The following ZC3H13 variants were observed in gnomAD, a reference collection of about 807,000 sequenced individuals.
ZC3H13 encodes the protein zinc finger CCCH-type containing 13.
Under a neutral mutation model 204.1 loss-of-function variants are expected in ZC3H13, and 64 were observed. The observed-to-expected ratio is 0.31, with a 90% CI of 0.26 to 0.39. The LOEUF (loss-of-function observed/expected upper bound fraction) is 0.39, where lower values mean the gene tolerates loss of function less well. Among genes scored for constraint, ZC3H13 ranks in the 10% least tolerant of loss-of-function variants. The probability of loss-of-function intolerance (pLI) is 1.00; values close to 1 mark genes in which losing one functional copy is unlikely to be tolerated. For synonymous variants in ZC3H13, 667 were observed against 693.7 expected (o/e 0.96, Z 0.60); for missense variants, 1,833 against 2,082.7 (o/e 0.88, Z 2.33).
At position 45,967,608 on chromosome 13, in the gene ZC3H13, G is replaced by C. The variant is rs1391110128; in HGVS notation, c.4217C>G (p.Ser1406Cys). ...GEHERDLEST[S>C]RDSLALDKER... ...TTTATCCAAGGCTAGAGAGTCTCGG[G>C]AAGTGCTTTCTAGATCCCTTTCATG... Residue 1406 changes from serine to cysteine, a missense_variant, in exon 15 of 19, where the codon TCC becomes TGC. Ser to Cys is a moderately radical substitution (Grantham distance 112). This residue lies in a region of ZC3H13 where 1,574 missense variants were observed against 1,757.2 expected (regional missense o/e 0.90). Coordinates refer to ENST00000679008, the MANE Select transcript of ZC3H13 (RefSeq NM_001330564.2). 1.2e-6 allele frequency: 2 copies of C among 1,614,090 alleles called. No individual in the cohort carries two copies. Among genetic ancestry groups the C allele is most frequent in the Non-Finnish European group, 1.7e-6 (2 of 1,179,996 alleles).
intron 8 of ZC3H13, among the ~76,000 whole-genome samples, chr13:45,991,577 T>G (rs1361415785): frequency 6.6e-6 from 1 of 152,226 alleles, no homozygotes. Context: ...CATTTCCACT[T>G]AGAATAGAAG....
chr13:46,041,609 G>C (rs1279872522), intron 4 of ZC3H13, among the ~76,000 whole-genome samples: 1 of 152,078 alleles, frequency 6.6e-6, no homozygotes, highest in Admixed American at 6.6e-5. Flanking sequence ...TTAGCTCTGG[G>C]AAAGATTTCC....
Position 45,979,998 on chromosome 13 carries a change from C to G in ZC3H13, c.1727G>C (p.Arg576Pro). 1.3e-6 allele frequency: 2 copies of G among 1,593,506 alleles called. No individual in the cohort carries two copies. The highest frequency in any genetic ancestry group is 1.7e-6 in the Non-Finnish European group (2 of 1,172,632). The change falls in exon 11 of 19, where the codon CGA (arginine) becomes CCA (proline). Residue 576 changes from arginine (R) to proline (P), a missense_variant. Around this residue, in one of 5 missense-constraint regions of ZC3H13, gnomAD observed 1,574 missense variants for 1,757.2 expected, o/e 0.90. Transcript: ENST00000679008. ...RVPELPEKGS[R>P]GSRGSQIDSH... ...ATCAATTTGAGAACCTCTTGAGCCT[C>G]GACTTCCTAAACAAAGGATAGACAC...
intron 1 of ZC3H13, among the ~76,000 whole-genome samples, chr13:46,050,287 A>C (rs1219770882): frequency 6.6e-6 from 1 of 152,082 alleles, no homozygotes; most frequent in Non-Finnish European, 1.5e-5. Context: ...GAGAAAGGAG[A>C]AGCATACAAA....
chr13:45,975,694 TC>T lies in ZC3H13; in HGVS notation c.2056del (p.Asp686ThrfsTer22). ...ARERDRERERDRERERERERE... is the reference protein window; with the variant it reads ...ARERDRERERXRERERERERE... The stretch of plus-strand genomic sequence containing the variant: ...TTCCCTCTCTCTCTCCCGCTCCCTG[TC>T]TCGTTCTCGTTCCCGATCTCTCTCT... On this transcript the variant is annotated frameshift_variant, in exon 12 of 19. Transcript: ENST00000679008. LOFTEE classifies it high-confidence loss of function. The T allele has an allele frequency of 6.2e-7, 1 of 1,613,514 alleles. No homozygotes were observed. The highest frequency in any genetic ancestry group is 1.1e-5 in the South Asian group (1 of 91,008).
intron 17 of ZC3H13, 187 bp downstream of exon 17, chr13:45,963,655 C>G: frequency 2.1e-6 from 3 of 1,417,104 alleles, no homozygotes; most frequent in Non-Finnish European, 2.8e-6. Flanking sequence ...TGGGATAACT[C>G]TTCTTCTCAA....
rs1256740740 is a variant in ZC3H13 at position 45,967,606 on chromosome 13, G to A, written c.4219C>T (p.Arg1407Ter). The change falls in exon 15 of 19, where the codon CGA (arginine) becomes TGA (stop). Residue 1407 changes from arginine (R) to a stop codon, truncating the protein, a stop_gained. Transcript: ENST00000679008. LOFTEE classifies it high-confidence loss of function. ...TCTTTATCCAAGGCTAGAGAGTCTC[G>A]GGAAGTGCTTTCTAGATCCCTTTCA... ...EHERDLESTS[R>*]DSLALDKERM... The A allele has an allele frequency of 6.2e-7, 1 of 1,613,802 alleles. No individual in the cohort carries two copies. The highest frequency in any genetic ancestry group is 1.1e-5 in the South Asian group (1 of 91,056).
At chr13:46,013,093 A>G (rs896799736) in intron 5 of ZC3H13, among the ~76,000 whole-genome samples, 2 of 152,164 alleles carry the variant, frequency 1.3e-5, no homozygotes. Flanking sequence ...CTATCCAACC[A>G]AGGGGGAGAG....
chr13:45,994,623 G>A (rs915481064), intron 8 of ZC3H13, among the ~76,000 whole-genome samples: 1 of 152,144 alleles, frequency 6.6e-6, no homozygotes, highest in South Asian at 2.1e-4. Context: ...TATTCCTGCC[G>A]CACGCATGTG....
At chr13:45,968,138 T>C (rs949638251) in intron 14 of ZC3H13, 110 bp from the exon 15 acceptor site, 15 of 1,139,102 alleles carry the variant, frequency 1.3e-5, no homozygotes, top group Admixed American at 2.8e-5. Context: ...CCATATTCTA[T>C]GTAACTTTCT....
chr13:46,013,316 A>C (rs2041696391), intron 5 of ZC3H13, among the ~76,000 whole-genome samples: 1 of 152,030 alleles, frequency 6.6e-6, no homozygotes, highest in South Asian at 2.1e-4. Context: ...CAGGAGTCAG[A>C]GGCAGGAGAA....
chr13:45,993,939 C>T (rs2040147373), intron 8 of ZC3H13, among the ~76,000 whole-genome samples: 1 of 152,124 alleles, frequency 6.6e-6, no homozygotes, highest in Non-Finnish European at 1.5e-5. Context: ...CACTAAGGTA[C>T]TAATAATTTT....
chr13:46,013,580 T>C (rs970924549), intron 5 of ZC3H13, among the ~76,000 whole-genome samples: 2 of 152,110 alleles, frequency 1.3e-5, no homozygotes, highest in Non-Finnish European at 2.9e-5. Flanking sequence ...GACTACAAGA[T>C]AGGCACATTG....
At chr13:46,036,109 T>C (rs1370951121) in intron 4 of ZC3H13, among the ~76,000 whole-genome samples, 1 of 149,762 alleles carries the variant, frequency 6.7e-6, no homozygotes, top group African/African-American at 2.5e-5. Flanking sequence ...GTTTGCATCA[T>C]TGCACTTTAG....
chr13:45,976,374 CAT>C, intron 11 of ZC3H13: 1 of 484,348 alleles, frequency 2.1e-6, no homozygotes, highest in South Asian at 8.9e-5. Flanking sequence ...TAGAACAAAA[CAT>C]ATGTCAGAAT....
chr13:45,970,057 A>C, intron 13 of ZC3H13, 86 bp from the exon 14 acceptor site: 1 of 1,473,488 alleles, frequency 6.8e-7, no homozygotes, highest in South Asian at 1.4e-5. Context: ...TTCTCCTCAC[A>C]CCTGTAATCC....
intron 13 of ZC3H13, 50 bp from the exon 14 acceptor site, chr13:45,970,021 G>A (rs762124726): frequency 5.8e-6 from 9 of 1,541,498 alleles, no homozygotes; most frequent in Non-Finnish European, 6.9e-6. Context: ...AGTAACCACT[G>A]CATGGTACAT....
chr13:46,013,912 G>A (rs1167643192), intron 5 of ZC3H13, among the ~76,000 whole-genome samples: 1 of 150,678 alleles, frequency 6.6e-6, no homozygotes, highest in East Asian at 1.9e-4. Flanking sequence ...TAACAGAACA[G>A]GTAAAGGACA....
At chr13:45,978,499 C>T (rs1239585140) in intron 11 of ZC3H13, among the ~76,000 whole-genome samples, 1 of 152,054 alleles carries the variant, frequency 6.6e-6, no homozygotes, top group Non-Finnish European at 1.5e-5. Context: ...AATCTTACTA[C>T]TCTTAGATCT....
Sources: gnomAD v4.1 joint callset for allele counts (sites outside exome capture counted in the v4.1 genomes callset) on GRCh38, gnomAD v4.1.1 for gene constraint, gnomAD v4.1.1 regional missense constraint, MANE v1.5 for transcripts, NCBI Gene and HGNC (gene_info 2026-07-23, HGNC 2026-07-21) for gene names.